SLURP2: variants seen among roughly 807,000 people sequenced by gnomAD.
SLURP2 encodes secreted LY6/PLAUR domain containing 2.
Under a neutral mutation model 9.8 loss-of-function variants are expected in SLURP2, and 4 were observed. The ratio of observed to expected loss-of-function variants is 0.41; its 90% CI spans 0.20 to 0.94. SLURP2 has a LOEUF of 0.94. Ranked by LOEUF, SLURP2 falls within the 40% of genes least tolerant of loss-of-function variation. The pLI is 0.32. For missense variants in SLURP2, 118 were observed against 126.4 expected (o/e 0.93, Z 0.32); for synonymous variants, 58 against 56.2 (o/e 1.03, Z -0.15).
chr8:142,768,266 CAG>C lies in SLURP2; in HGVS notation c.52+1487_52+1488del. ...GGGGCAGGAATAATGGAGGGACAAA[CAG>C]GATGGTGGGATGGGCTCTGGGTGTA... On this transcript the variant is annotated intron_variant, in intron 1 of 2. Coordinates refer to ENST00000317543, the MANE Select transcript of SLURP2 (RefSeq NM_177458.3). This position sits in a 1 kb window ranked among gnomAD's most constrained non-coding sequence, Gnocchi z 4.8. Among the ~76,000 whole-genome samples, 1 of 150,658 alleles carries C rather than the reference CAG, an allele frequency of 6.6e-6. No individual in the cohort carries two copies. The highest frequency in any genetic ancestry group is 1.5e-5 in the Non-Finnish European group (1 of 67,636).
Position 142,765,068 on chromosome 8 carries a change from C to T in SLURP2, c.125G>A (p.Arg42Lys). The change falls in exon 2 of 3, where the codon AGG becomes AAG. Residue 42 changes from arginine to lysine, a missense_variant. Physicochemically the swap from Arg to Lys is conservative, Grantham distance 26 (BLOSUM62 2). Transcript: ENST00000317543. Reference protein sequence around the residue: ...GGCSHGSRCLRDSTHCVTTAT... With the variant: ...GGCSHGSRCLKDSTHCVTTAT... ...AGTGGTGACACAGTGGGTGGAGTCC[C>T]TCAGGCATCTGGATCCATGGGAGCA... 1.2e-6 allele frequency: 2 copies of T among 1,612,834 alleles called. No homozygotes were observed. Among genetic ancestry groups the T allele is most frequent in the Non-Finnish European group, 1.7e-6 (2 of 1,179,816 alleles).
At chr8:142,765,002 A>C in intron 2 of SLURP2, 34 bp downstream of exon 2, 1 of 1,550,706 alleles carries the variant, frequency 6.4e-7, no homozygotes, top group East Asian at 2.3e-5. Flanking sequence ...CTGGGCAAGA[A>C]GGACGTGGCC....
chr8:142,765,669 A>G (rs906292143), intron 1 of SLURP2, among the ~76,000 whole-genome samples: 2 of 152,192 alleles, frequency 1.3e-5, no homozygotes, highest in African/African-American at 4.8e-5. Context: ...AAGAAATTAA[A>G]GAATGTGTAG....
chr8:142,765,281 C>T (rs1384432620), intron 1 of SLURP2, 141 bp from the exon 2 acceptor site: 3 of 661,398 alleles, frequency 4.5e-6, no homozygotes, highest in Non-Finnish European at 7.7e-6. Context: ...GTGATCCAGC[C>T]CTCTCAGGAG....
Position 142,769,818 on chromosome 8 carries a change from G to A in SLURP2, c.-12C>T, listed in dbSNP as rs1815121962. ...GTGCCGAGCTGCATGTTCTCCTGGT[G>A]AGGTCGGGCTGTCGGCGCCCTGGCC... On this transcript the variant is annotated 5_prime_UTR_variant, in exon 1 of 3. Coordinates refer to ENST00000317543, the MANE Select transcript of SLURP2 (RefSeq NM_177458.3). 2 of 1,588,468 alleles carry A rather than the reference G, an allele frequency of 1.3e-6. No individual in the cohort carries two copies. The highest frequency in any genetic ancestry group is 2.3e-5 in the South Asian group (2 of 87,170).
intron 1 of SLURP2, among the ~76,000 whole-genome samples, chr8:142,765,657 A>T (rs1406474784): frequency 6.6e-6 from 1 of 152,186 alleles, no homozygotes; most frequent in East Asian, 1.9e-4. Flanking sequence ...AACAGGAATT[A>T]AAAGAAATTA....
Position 142,766,813 on chromosome 8 carries a change from G to C in SLURP2, c.53-1673C>G, listed in dbSNP as rs949029069. Among the ~76,000 whole-genome samples the C allele has an allele frequency of 3.3e-5, 5 of 152,186 alleles. No homozygotes were observed. The East Asian group carries it at 9.6e-4, about 29-fold the overall frequency. On this transcript the variant is annotated intron_variant, in intron 1 of 2. Transcript: ENST00000317543. ...CCCCAGGCCTGCTCTCTCTGCATAG[G>C]AGCCTGCAGGGTGACAAGGCCAATG...
rs1343535338 is a variant in SLURP2, at chr8:142,768,818, G to A, written c.52+937C>T. On this transcript the variant is annotated intron_variant, in intron 1 of 2. Transcript: ENST00000317543. The surrounding 1 kb of genome is among the most constrained non-coding windows in gnomAD (Gnocchi z 4.8). ...CCAGGAGGGTGCCCCTGGGGATGGA[G>A]ACTGGAGGGATGTAAGAGACACCTG... 2.0e-5 allele frequency among the ~76,000 whole-genome samples: 3 copies of A among 152,102 alleles called. No homozygotes were observed. Among genetic ancestry groups the A allele is most frequent in the South Asian group, 2.1e-4 (1 of 4,826 alleles).
At chr8:142,765,013 A>G (rs369958793) in intron 2 of SLURP2, 23 bp downstream of exon 2, 1 of 1,582,088 alleles carries the variant, frequency 6.3e-7, no homozygotes. Flanking sequence ...GGACGTGGCC[A>G]GCCCACCACT....
rs587721632 is a variant in SLURP2, at chr8:142,769,674, C to T, written c.52+81G>A. On this transcript the variant is annotated intron_variant, in intron 1 of 2. Transcript: ENST00000317543. ...TGGGTTCTCCCGAGGTGGGCAGTCA[C>T]AGCCCAGGGCTGGAGGGACGGTGGT... The T allele has an allele frequency of 3.2e-4, 434 of 1,337,098 alleles. 5 individuals carry two copies. The South Asian group carries it at 5.4e-3, about 16-fold the overall frequency. The allele number at this position is 1,337,098 out of a possible 1,614,324, so 82.8% of individuals were successfully genotyped here. A position where few individuals can be genotyped will look rare whatever the true frequency, so the allele number is the denominator to read the frequency against.
At chr8:142,766,332 T>C (rs1815004668) in intron 1 of SLURP2, 1 of 147,780 alleles carries the variant, frequency 6.8e-6, no homozygotes. Flanking sequence ...CCCCGCGAAA[T>C]GCTTAAAAGG....
rs1815076978 is a variant in SLURP2, at chr8:142,768,585, C to T, written c.52+1170G>A. Among the ~76,000 whole-genome samples, 3 of 152,022 alleles carry T rather than the reference C, an allele frequency of 2.0e-5. No homozygotes were observed. Among genetic ancestry groups the T allele is most frequent in the South Asian group, 2.1e-4 (1 of 4,826 alleles). ...GGGTCAGAGGGGAGTCCGTGGGCAC[C>T]GGGCACCCAGGCAGAGGCTCCTGTG... is the stretch of plus-strand genomic sequence containing the variant. On this transcript the variant is annotated intron_variant, in intron 1 of 2. Transcript: ENST00000317543. The surrounding 1 kb of genome is among the most constrained non-coding windows in gnomAD (Gnocchi z 4.8).
At chr8:142,769,717 G>C (rs773209826) in intron 1 of SLURP2, 38 bp downstream of exon 1, 2 of 1,578,190 alleles carry the variant, frequency 1.3e-6, no homozygotes, top group Admixed American at 3.6e-5. Flanking sequence ...GAGTGATGGG[G>C]GCCTTGAGCA....
intron 1 of SLURP2, among the ~76,000 whole-genome samples, chr8:142,767,606 C>T (rs587713472): frequency 6.6e-6 from 1 of 152,334 alleles, no homozygotes; most frequent in African/African-American, 2.4e-5. Context: ...TGCTGTTCCT[C>T]CTGCCCTCTG....
At chr8:142,767,791 C>G (rs911071587) in intron 1 of SLURP2, among the ~76,000 whole-genome samples, 15 of 152,064 alleles carry the variant, frequency 9.9e-5, no homozygotes, top group Non-Finnish European at 1.6e-4. Context: ...TCCTCACCCC[C>G]ACCCAAGCAT....
intron 2 of SLURP2, 123 bp from the exon 3 acceptor site, chr8:142,764,864 C>T: frequency 7.7e-7 from 1 of 1,295,652 alleles, no homozygotes; most frequent in Non-Finnish European, 1.1e-6. Flanking sequence ...ACGGGCCCTC[C>T]TGGGGCAGAC....
intron 1 of SLURP2, among the ~76,000 whole-genome samples, chr8:142,767,187 G>A (rs867672698): frequency 1.9e-4 from 29 of 152,346 alleles, no homozygotes; most frequent in South Asian, 4.1e-4. Context: ...GAGGCACCAC[G>A]GAGAAGGTGA....
rs987622429 is a variant in SLURP2 at position 142,768,951 on chromosome 8, C to G, written c.52+804G>C. Among the ~76,000 whole-genome samples the G allele has an allele frequency of 6.6e-6, 1 of 152,158 alleles. No individual in the cohort carries two copies. Among genetic ancestry groups the G allele is most frequent in the Non-Finnish European group, 1.5e-5 (1 of 68,004 alleles). On this transcript the variant is annotated intron_variant, in intron 1 of 2. Transcript: ENST00000317543. The surrounding 1 kb of genome is among the most constrained non-coding windows in gnomAD (Gnocchi z 4.8). ...CACAGCCAGGGACGCAGAGGCTTGG[C>G]CCCTGGGGGGCTGGGCTGCTTGGGC... is the stretch of plus-strand genomic sequence containing the variant.
Position 142,764,551 on chromosome 8 carries a change from A to G in SLURP2, c.*54T>C. On this transcript the variant is annotated 3_prime_UTR_variant, in exon 3 of 3. Coordinates refer to ENST00000317543, the MANE Select transcript of SLURP2 (RefSeq NM_177458.3). ...AGGGGCAGCTGTGAGCCCTGGCGCCAGGCTGTGGGGGCTGTGGGGGCTGAG... is the reference window on the plus strand; with the variant it reads ...AGGGGCAGCTGTGAGCCCTGGCGCCGGGCTGTGGGGGCTGTGGGGGCTGAG... The G allele has an allele frequency of 1.3e-6, 2 of 1,579,126 alleles. No homozygotes were observed. The highest frequency in any genetic ancestry group is 1.4e-5 in the African/African-American group (1 of 73,032).
Sources: gnomAD v4.1 joint callset for allele counts (sites outside exome capture counted in the v4.1 genomes callset) on GRCh38, gnomAD v4.1.1 for gene constraint, Gnocchi (gnomAD v3.1) non-coding constraint, MANE v1.5 for transcripts, NCBI Gene and HGNC (gene_info 2026-07-23, HGNC 2026-07-21) for gene names.